Variants in CENPK observed in about 807,000 individuals in gnomAD.
CENPK encodes the protein SoxLZ/Sox6-binding protein Solt.
CENPK carries 46 observed loss-of-function variants against 40.9 expected under a neutral mutation model. The ratio of observed to expected loss-of-function variants is 1.13; its 90% CI spans 0.89 to 1.44. The LOEUF is 1.44. Ranked by LOEUF, CENPK falls within the 40% of genes most tolerant of loss-of-function variation. The probability of loss-of-function intolerance (pLI) is 0.00; values close to 1 mark genes in which losing one functional copy is unlikely to be tolerated. For missense variants in CENPK, 288 were observed against 303.5 expected (o/e 0.95, Z 0.38); for synonymous variants, 107 against 104.4 (o/e 1.02, Z -0.15).
intron 6 of CENPK, chr5:65,529,491 CTTTCT>C (rs574599174): frequency 3.9e-3 from 709 of 182,202 alleles, no homozygotes; most frequent in East Asian, 0.02. Flanking sequence ...CCTTTTCTTT[CTTTCT>C]TTTTTTTTTT....
chr5:65,562,707 GAAGA>G (rs1752228547), intron 1 of CENPK: 1 of 152,218 alleles, frequency 6.6e-6, no homozygotes, highest in Non-Finnish European at 1.5e-5. Flanking sequence ...ATACCAGAGA[GAAGA>G]AAGAAGAGTG....
intron 5 of CENPK, 30 bp from the exon 6 acceptor site, chr5:65,542,878 CAT>C: frequency 6.4e-7 from 1 of 1,571,822 alleles, no homozygotes; most frequent in Non-Finnish European, 8.7e-7. Context: ...CAAAGTTACA[CAT>C]ATATTTAGTT....
chr5:65,501,335 C>T, the CENPK span, among the ~76,000 whole-genome samples: 1,597 of 151,744 alleles, frequency 0.011, 32 homozygotes, highest in African/African-American at 0.036. Context: ...CCCACCACCA[C>T]GCCCAGCTAG....
the CENPK span, among the ~76,000 whole-genome samples, chr5:65,497,086 G>A: frequency 6.6e-6 from 1 of 150,980 alleles, no homozygotes; most frequent in Non-Finnish European, 1.5e-5. Flanking sequence ...TAAAAATAGT[G>A]GCCAAGTGCA....
the CENPK span, among the ~76,000 whole-genome samples, chr5:65,496,952 G>A: frequency 0.015 from 2,236 of 152,058 alleles, 49 homozygotes; most frequent in African/African-American, 0.052. Context: ...AGGTACTCGG[G>A]AGGCTGAGGC....
chr5:65,539,235 T>C (rs993971477), intron 6 of CENPK, among the ~76,000 whole-genome samples: 3 of 152,208 alleles, frequency 2.0e-5, no homozygotes, highest in South Asian at 2.1e-4. Flanking sequence ...TCCATCCCAA[T>C]AGCCACAAAA....
At chr5:65,544,706 A>G (rs897958984) in intron 5 of CENPK, among the ~76,000 whole-genome samples, 3 of 152,248 alleles carry the variant, frequency 2.0e-5, no homozygotes, top group African/African-American at 7.2e-5. Flanking sequence ...GCCTTAAAAA[A>G]GGAAGGAAAT....
At chr5:65,551,898 G>A (rs1444265770) in intron 4 of CENPK, among the ~76,000 whole-genome samples, 2 of 151,042 alleles carry the variant, frequency 1.3e-5, no homozygotes, top group African/African-American at 2.4e-5. Flanking sequence ...ATTCAGATTC[G>A]ACACAGATAG....
chr5:65,532,573 T>C (rs1746034481), intron 6 of CENPK, among the ~76,000 whole-genome samples: 1 of 152,088 alleles, frequency 6.6e-6, no homozygotes, highest in Non-Finnish European at 1.5e-5. Flanking sequence ...GGGTTTATCA[T>C]AGGAATATGC....
chr5:65,516,157 G>T (rs554724728), downstream of CENPK, among the ~76,000 whole-genome samples: 1 of 152,206 alleles, frequency 6.6e-6, no homozygotes, highest in African/African-American at 2.4e-5. Context: ...GGGGAAGAGG[G>T]GAACATGAAC....
chr5:65,542,990 G>C (rs900278530), intron 5 of CENPK, 142 bp from the exon 6 acceptor site: 1 of 648,114 alleles, frequency 1.5e-6, no homozygotes, highest in Admixed American at 3.3e-5. Flanking sequence ...CCAAGGCAGA[G>C]TTTCCCTCTT....
At chr5:65,513,873 A>G (rs966979618), downstream of CENPK, among the ~76,000 whole-genome samples, 12 of 152,128 alleles carry the variant, frequency 7.9e-5, no homozygotes, top group Non-Finnish European at 4.4e-5. Flanking sequence ...TATGAAGTTG[A>G]GGGTTTTCTT....
At chr5:65,553,291 A>G (rs978962234) in intron 3 of CENPK, among the ~76,000 whole-genome samples, 3 of 152,014 alleles carry the variant, frequency 2.0e-5, no homozygotes, top group Non-Finnish European at 4.4e-5. Flanking sequence ...GCTTCCCTGA[A>G]CTACACTGGA....
At chr5:65,511,473 C>A in the CENPK span, among the ~76,000 whole-genome samples, 4 of 152,174 alleles carry the variant, frequency 2.6e-5, no homozygotes, top group Non-Finnish European at 5.9e-5. Context: ...TTGCTAAGGG[C>A]TAATGCAGCT....
At chr5:65,552,299 G>T (rs1750220864) in intron 4 of CENPK, among the ~76,000 whole-genome samples, 194 bp downstream of exon 4, 1 of 152,118 alleles carries the variant, frequency 6.6e-6, no homozygotes, top group Non-Finnish European at 1.5e-5. Flanking sequence ...ATTTATAATA[G>T]CTTGTTCTAG....
chr5:65,530,528 A>T (rs1745597770), intron 6 of CENPK, among the ~76,000 whole-genome samples: 1 of 152,224 alleles, frequency 6.6e-6, no homozygotes, highest in African/African-American at 2.4e-5. Flanking sequence ...TTCAGGAACA[A>T]CAAAGAAGAC....
chr5:65,552,095 G>A (rs12234033), intron 4 of CENPK, among the ~76,000 whole-genome samples: 61,723 of 151,658 alleles, frequency 0.41, 12,909 homozygotes, highest in East Asian at 0.65. Flanking sequence ...GAGTAGCTGG[G>A]ATCATATGAC....
At chr5:65,509,226 C>T in the CENPK span, among the ~76,000 whole-genome samples, 10 of 152,116 alleles carry the variant, frequency 6.6e-5, no homozygotes, top group Middle Eastern at 3.2e-3. Context: ...ATAAACAATA[C>T]GCTTGGTCTC....
At chr5:65,540,833 G>A (rs1235628788) in intron 6 of CENPK, among the ~76,000 whole-genome samples, 3 of 149,580 alleles carry the variant, frequency 2.0e-5, no homozygotes, top group East Asian at 2.0e-4. Context: ...TTTGAGACAG[G>A]GTTTCACTCT....
Sources: allele counts gnomAD v4.1 joint callset (sites outside exome capture counted in the v4.1 genomes callset), GRCh38; gene constraint gnomAD v4.1.1; transcripts MANE v1.5; gene names NCBI Gene and HGNC (gene_info 2026-07-23, HGNC 2026-07-21).